The following UCHL5 variants were observed in gnomAD, a reference collection of about 807,000 sequenced individuals.
UCHL5 encodes the protein ubiquitin carboxyl-terminal hydrolase isozyme L5.
UCHL5 carries 34 observed loss-of-function variants against 53.8 expected under a neutral mutation model. The ratio of observed to expected loss-of-function variants is 0.63; its 90% confidence interval spans 0.48 to 0.84. UCHL5 has a LOEUF of 0.84. UCHL5 is among the 40% of genes least tolerant of loss of function. The pLI is 0.00. For missense variants in UCHL5, 290 were observed against 385.6 expected (o/e 0.75, Z 2.08); for synonymous variants, 111 against 126.3 (o/e 0.88, Z 0.81).
intron 3 of UCHL5, among the ~76,000 whole-genome samples, chr1:193,033,027 G>T (rs1477287931): frequency 6.6e-6 from 1 of 152,144 alleles, no homozygotes; most frequent in East Asian, 1.9e-4. Flanking sequence ...CCATTACTGG[G>T]TATATACCCA....
chr1:193,026,234 C>T (rs940423264), intron 7 of UCHL5, among the ~76,000 whole-genome samples: 23 of 151,906 alleles, frequency 1.5e-4, no homozygotes, highest in African/African-American at 5.6e-4. Flanking sequence ...GGTATCTACA[C>T]CGAGACAAAG....
At chr1:193,059,959 A>G, upstream of UCHL5, 1 of 1,366,470 alleles carries the variant, frequency 7.3e-7, no homozygotes, top group South Asian at 1.1e-5. This position sits in a 1 kb window ranked among gnomAD's most constrained non-coding sequence, Gnocchi z 4.9. Context: ...CGGAACCAGC[A>G]TCGCGGTAGG....
rs879337159 is a variant in UCHL5, at chr1:193,027,522, T to A, written c.629+563A>T. Among the ~76,000 whole-genome samples the A allele has an allele frequency of 6.6e-5, 10 of 151,402 alleles. 1 individual carries two copies. Among genetic ancestry groups the A allele is most frequent in the Admixed American group, 2.6e-4 (4 of 15,192 alleles). ...GAACATGGTGAAACCCCACCTCTACTGAAAATACAAAAATTAGCCGGGTGT... is the reference window on the plus strand; with the variant it reads ...GAACATGGTGAAACCCCACCTCTACAGAAAATACAAAAATTAGCCGGGTGT... On this transcript the variant is annotated intron_variant, in intron 7 of 10. Coordinates refer to ENST00000367454, the MANE Select transcript of UCHL5 (RefSeq NM_001199261.3).
chr1:193,040,999 G>A (rs1665372366), intron 3 of UCHL5, among the ~76,000 whole-genome samples: 1 of 152,174 alleles, frequency 6.6e-6, no homozygotes, highest in East Asian at 1.9e-4. Context: ...GTGGGGTGGT[G>A]AAGAGGATGA....
chr1:193,020,591 T>C, intron 10 of UCHL5: 1 of 1,109,088 alleles, frequency 9.0e-7, no homozygotes, highest in Non-Finnish European at 1.2e-6. Context: ...TATTGTTACT[T>C]ATGAAAAAAA....
chr1:193,042,416 A>G (rs1665898530), intron 3 of UCHL5, among the ~76,000 whole-genome samples: 1 of 152,194 alleles, frequency 6.6e-6, no homozygotes, highest in South Asian at 2.1e-4. Context: ...CCAATCATAT[A>G]TATGTGTTAT....
Position 193,029,565 on chromosome 1 carries a change from C to A in UCHL5, c.339G>T (p.Glu113Asp). The A allele has an allele frequency of 1.2e-6, 2 of 1,613,572 alleles. No homozygotes were observed. Among genetic ancestry groups the A allele is most frequent in the Non-Finnish European group, 1.7e-6 (2 of 1,179,732 alleles). ...CAAAACTTTGTGAAAATTCTTTAAA[C>A]TCTGATAATGTCTCGCCTAAATGGA... ...QDVHLGETLS[E>D]FKEFSQSFDA... Residue 113 changes from glutamate to aspartate, a missense_variant, in exon 4 of 11, where the codon GAG becomes GAT. Transcript: ENST00000367454.
intron 3 of UCHL5, among the ~76,000 whole-genome samples, chr1:193,038,473 CA>C (rs1251737737): frequency 1.3e-5 from 2 of 148,936 alleles, no homozygotes; most frequent in African/African-American, 4.9e-5. Context: ...AAAAAAAAAC[CA>C]CAGTCTTTCC....
At chr1:193,049,086 C>T (rs72740204) in intron 3 of UCHL5, among the ~76,000 whole-genome samples, 7,435 of 152,082 alleles carry the variant, frequency 0.049, 243 homozygotes, top group Middle Eastern at 0.11. Flanking sequence ...TTTATAGAGA[C>T]GGGTCTCTTC....
At chr1:193,021,277 A>C in intron 9 of UCHL5, 82 bp from the exon 10 acceptor site, 1 of 876,252 alleles carries the variant, frequency 1.1e-6, no homozygotes, top group Non-Finnish European at 1.8e-6. Flanking sequence ...TCAAAATAGA[A>C]ATGGTATATC....
intron 1 of UCHL5, among the ~76,000 whole-genome samples, chr1:193,054,823 A>G (rs1450136878): frequency 6.6e-6 from 1 of 152,122 alleles, no homozygotes; most frequent in Non-Finnish European, 1.5e-5. Context: ...AATCTGCCCT[A>G]ACTTACGGGT....
chr1:193,038,923 G>A (rs778535530), intron 3 of UCHL5, among the ~76,000 whole-genome samples: 5 of 152,114 alleles, frequency 3.3e-5, no homozygotes, highest in Admixed American at 1.3e-4. Context: ...TTGAGCCCAG[G>A]AGCACAAGGT....
chr1:193,040,941 A>C (rs772363635), intron 3 of UCHL5, among the ~76,000 whole-genome samples: 1 of 152,208 alleles, frequency 6.6e-6, no homozygotes, highest in East Asian at 1.9e-4. Context: ...TAAAACAGCA[A>C]ATCTTCAGGA....
chr1:193,034,812 C>T (rs1194140430), intron 3 of UCHL5, among the ~76,000 whole-genome samples: 1 of 151,988 alleles, frequency 6.6e-6, no homozygotes, highest in Admixed American at 6.6e-5. Flanking sequence ...ACATAATTAA[C>T]TGCATTAACC....
rs868716595 is a variant in UCHL5 at position 193,021,126 on chromosome 1, G to A, written c.913C>T (p.His305Tyr). ...TCTACTAGTGGTATTAACTGCTGGT[G>A]TTCTGCTAAAGTCTTTAACAATTCC... Reference protein sequence around the residue: ...IMELLKTLAEHQQLIPLVEKA... With the variant: ...IMELLKTLAEYQQLIPLVEKA... The change falls in exon 10 of 11, where the codon CAC (histidine) becomes TAC (tyrosine). Residue 305 changes from histidine (H) to tyrosine (Y), a missense_variant. His to Tyr is a moderately conservative substitution (Grantham distance 83). Transcript: ENST00000367454. 2 of 1,609,486 alleles carry A rather than the reference G, an allele frequency of 1.2e-6. No homozygotes were observed. The highest frequency in any genetic ancestry group is 1.1e-5 in the South Asian group (1 of 90,946).
chr1:193,059,414 T>G (rs1412402157), upstream of UCHL5: 1 of 1,610,612 alleles, frequency 6.2e-7, no homozygotes, highest in South Asian at 1.1e-5. The surrounding 1 kb of genome is among the most constrained non-coding windows in gnomAD (Gnocchi z 4.9). Context: ...CGCCGTCACC[T>G]GCAGCGCGAC....
intron 9 of UCHL5, among the ~76,000 whole-genome samples, chr1:193,021,985 T>C (rs1657195026): frequency 6.6e-6 from 1 of 152,218 alleles, no homozygotes; most frequent in East Asian, 1.9e-4. Context: ...TGGGCAGATA[T>C]TAAAAGTTAG....
At chr1:193,025,788 T>C (rs931615512) in intron 7 of UCHL5, among the ~76,000 whole-genome samples, 9 of 151,616 alleles carry the variant, frequency 5.9e-5, no homozygotes, top group African/African-American at 2.2e-4. Flanking sequence ...TTTATAGATA[T>C]AGAGAAGATT....
At chr1:193,032,941 T>A (rs975813288) in intron 3 of UCHL5, among the ~76,000 whole-genome samples, 1 of 152,210 alleles carries the variant, frequency 6.6e-6, no homozygotes, top group African/African-American at 2.4e-5. Flanking sequence ...AGTGTAAATT[T>A]GTTCAACCAT....
Sources: allele counts gnomAD v4.1 joint callset (sites outside exome capture counted in the v4.1 genomes callset), GRCh38; gene constraint gnomAD v4.1.1; non-coding constraint Gnocchi (gnomAD v3.1); transcripts MANE v1.5; gene names NCBI Gene and HGNC (gene_info 2026-07-23, HGNC 2026-07-21).